Variants in IQCM observed in about 807,000 individuals in gnomAD.
IQCM encodes IQ motif containing M, also known as IQ domain-containing protein M.
In IQCM, 45 loss-of-function variants were observed where a neutral mutation model predicts 57.6. That is an observed-to-expected ratio of 0.78 (90% CI 0.62 to 1.00). IQCM has a LOEUF of 1.00. Ranked by LOEUF, IQCM falls within the 50% of genes least tolerant of loss-of-function variation. The probability of loss-of-function intolerance (pLI) is 0.00; values close to 1 mark genes in which losing one functional copy is unlikely to be tolerated. For synonymous variants in IQCM, 148 were observed against 158.9 expected (o/e 0.93, Z 0.51); for missense variants, 468 against 511.6 (o/e 0.91, Z 0.82).
chr4:149,366,033 T>C (rs974067488), intron 13 of IQCM, among the ~76,000 whole-genome samples: 1 of 152,100 alleles, frequency 6.6e-6, no homozygotes, highest in Non-Finnish European at 1.5e-5. Flanking sequence ...TAGATGTTAA[T>C]AGGAGAAGTA....
chr4:149,672,012 T>C (rs1030264293), intron 7 of IQCM, among the ~76,000 whole-genome samples: 3 of 151,982 alleles, frequency 2.0e-5, no homozygotes, highest in Admixed American at 6.6e-5. Context: ...GCAAACAGGG[T>C]CTAGAGTGGA....
chr4:149,661,611 T>A (rs760145554), intron 7 of IQCM, among the ~76,000 whole-genome samples: 1 of 152,156 alleles, frequency 6.6e-6, no homozygotes, highest in Non-Finnish European at 1.5e-5. Flanking sequence ...GATTTTTTGT[T>A]ACTGATTCAA....
chr4:149,589,662 C>G (rs1324945590), intron 8 of IQCM, among the ~76,000 whole-genome samples: 1 of 151,958 alleles, frequency 6.6e-6, no homozygotes, highest in South Asian at 2.1e-4. Context: ...TTCGGGAACA[C>G]AACAATAACC....
intron 13 of IQCM, among the ~76,000 whole-genome samples, chr4:149,384,385 T>C (rs539735912): frequency 6.6e-6 from 1 of 152,274 alleles, no homozygotes; most frequent in South Asian, 2.1e-4. Flanking sequence ...ATACATTTCC[T>C]TTTGTGAAGG....
chr4:149,405,147 AAAG>A (rs1443932112), intron 13 of IQCM, among the ~76,000 whole-genome samples: 9 of 152,212 alleles, frequency 5.9e-5, no homozygotes, highest in Admixed American at 6.6e-5. Flanking sequence ...AAAGGAAAAA[AAAG>A]AAGAAAGCTT....
chr4:149,645,640 T>C (rs1758566368), intron 7 of IQCM, among the ~76,000 whole-genome samples: 1 of 152,120 alleles, frequency 6.6e-6, no homozygotes, highest in Non-Finnish European at 1.5e-5. Flanking sequence ...TATTGAAAAA[T>C]CCCTTCTTTT....
intron 3 of IQCM, among the ~76,000 whole-genome samples, chr4:149,740,695 A>C (rs1350883310): frequency 6.6e-6 from 1 of 152,148 alleles, no homozygotes; most frequent in Non-Finnish European, 1.5e-5. Flanking sequence ...AGAGGCTCAG[A>C]TCTTATCTGT....
intron 2 of IQCM, among the ~76,000 whole-genome samples, chr4:149,795,577 G>A (rs986300136): frequency 6.6e-6 from 1 of 152,164 alleles, no homozygotes; most frequent in Non-Finnish European, 1.5e-5. Context: ...GCAACCTAAT[G>A]AGACAACAGC....
chr4:149,417,773 T>C (rs1733848310), intron 13 of IQCM, among the ~76,000 whole-genome samples: 1 of 151,988 alleles, frequency 6.6e-6, no homozygotes, highest in African/African-American at 2.4e-5. Flanking sequence ...AGTGGGGATA[T>C]GTTCAGATGC....
At position 149,733,424 on chromosome 4, in the gene IQCM, C is replaced by T; in HGVS notation, c.205G>A (p.Asp69Asn). 4.9e-6 allele frequency: 6 copies of T among 1,231,786 alleles called. No individual in the cohort carries two copies. The highest frequency in any genetic ancestry group is 4.0e-6 in the Non-Finnish European group (4 of 987,710). 76.3% of individuals were successfully genotyped at this position (1,231,786 alleles called of 1,614,324 possible). A position where few individuals can be genotyped will look rare whatever the true frequency, so the allele number is the denominator to read the frequency against. The part of the protein sequence containing the change: ...KSGKYIPLEI[D>N]KKVTRDVVQE... ...ACCACATCACGTGTTACCTTTTTGT[C>T]AATCTCCAAAGGTATGTATTTGCCA... The change falls in exon 5 of 14, where the codon GAC (aspartate) becomes AAC (asparagine). Residue 69 changes from aspartate to asparagine, a missense_variant. Coordinates refer to ENST00000636793, the MANE Select transcript of IQCM (RefSeq NM_001363507.2).
At chr4:149,633,830 A>G (rs931155613) in intron 7 of IQCM, among the ~76,000 whole-genome samples, 2 of 152,022 alleles carry the variant, frequency 1.3e-5, no homozygotes, top group African/African-American at 4.8e-5. Context: ...CCACCTTCCA[A>G]AAGTATGGGC....
At chr4:149,686,155 GTTTAC>G (rs1235997761) in intron 6 of IQCM, among the ~76,000 whole-genome samples, 1 of 151,360 alleles carries the variant, frequency 6.6e-6, no homozygotes, top group African/African-American at 2.4e-5. Flanking sequence ...AACCCAGATG[GTTTAC>G]TTAACTACTC....
intron 2 of IQCM, among the ~76,000 whole-genome samples, chr4:149,755,926 C>T (rs1211612872): frequency 6.6e-6 from 1 of 152,134 alleles, no homozygotes; most frequent in East Asian, 1.9e-4. Context: ...GGAGGTGACT[C>T]TAGGACACCA....
intron 7 of IQCM, among the ~76,000 whole-genome samples, chr4:149,681,610 G>C (rs1579980008): frequency 6.6e-6 from 1 of 151,140 alleles, no homozygotes; most frequent in East Asian, 1.9e-4. Flanking sequence ...ATCAATAAAA[G>C]TCCTACTTTA....
At chr4:149,602,146 A>G (rs924074869) in intron 8 of IQCM, among the ~76,000 whole-genome samples, 1 of 152,134 alleles carries the variant, frequency 6.6e-6, no homozygotes, top group Non-Finnish European at 1.5e-5. Flanking sequence ...AAAACTATTT[A>G]CATGCTATTT....
chr4:149,721,030 T>A (rs967921149), intron 5 of IQCM, among the ~76,000 whole-genome samples: 26 of 152,198 alleles, frequency 1.7e-4, no homozygotes, highest in African/African-American at 6.3e-4. Flanking sequence ...CATTTTAGCA[T>A]GTTTGCTGCA....
chr4:149,730,715 A>T (rs1766380888), intron 5 of IQCM, among the ~76,000 whole-genome samples: 1 of 152,198 alleles, frequency 6.6e-6, no homozygotes, highest in Non-Finnish European at 1.5e-5. Context: ...CCTAAATCTG[A>T]ATCAGATATC....
chr4:149,396,820 TCC>T (rs1437585255), intron 13 of IQCM, among the ~76,000 whole-genome samples: 1 of 152,088 alleles, frequency 6.6e-6, no homozygotes, highest in African/African-American at 2.4e-5. Flanking sequence ...TATCTGTCTT[TCC>T]GTTACTGGTT....
Position 149,810,964 on chromosome 4 carries a change from C to T in IQCM, c.-49+4347G>A, listed in dbSNP as rs185490242. On this transcript the variant is annotated intron_variant, in intron 2 of 13. Coordinates refer to ENST00000636793, the MANE Select transcript of IQCM (RefSeq NM_001363507.2). ...TCGAAGTAGTAGGTGGTGCCTGAAC[C>T]CTGCTATAGCTGTCAGTTTCCCATT... 4.6e-5 allele frequency among the ~76,000 whole-genome samples: 7 copies of T among 152,178 alleles called. No individual in the cohort carries two copies. The East Asian group carries it at 1.2e-3, about 25-fold the overall frequency.
Sources: allele counts gnomAD v4.1 joint callset (sites outside exome capture counted in the v4.1 genomes callset), GRCh38; gene constraint gnomAD v4.1.1; transcripts MANE v1.5; gene names NCBI Gene and HGNC (gene_info 2026-07-23, HGNC 2026-07-21).